Variants in CAMK1D observed in about 807,000 individuals in gnomAD.
CAMK1D encodes the protein calcium/calmodulin-dependent protein kinase type 1D.
A neutral mutation model predicts 47.7 loss-of-function variants in CAMK1D; 9 were observed. That is an observed-to-expected ratio of 0.19 (90% CI 0.11 to 0.33). CAMK1D has a LOEUF of 0.33. Ranked by LOEUF, CAMK1D falls within the 10% of genes least tolerant of loss-of-function variation. CAMK1D has a pLI of 1.00. For synonymous variants in CAMK1D, 184 were observed against 184.9 expected (o/e 0.99, Z 0.04); for missense variants, 291 against 488.7 (o/e 0.60, Z 3.81).
At chr10:12,787,564 A>G (rs1255490615) in intron 5 of CAMK1D, among the ~76,000 whole-genome samples, 1 of 152,172 alleles carries the variant, frequency 6.6e-6, no homozygotes, top group African/African-American at 2.4e-5. Flanking sequence ...TTCCTTGGCT[A>G]GGGCATCCGC....
intron 4 of CAMK1D, among the ~76,000 whole-genome samples, chr10:12,762,609 C>G (rs991478605): frequency 7.9e-5 from 12 of 152,162 alleles, no homozygotes; most frequent in Non-Finnish European, 1.6e-4. Context: ...ACTTGCATTT[C>G]TAACAGGTCT....
chr10:12,517,871 G>A lies in CAMK1D; in HGVS notation c.93-35354G>A, dbSNP rs951201794. Among the ~76,000 whole-genome samples, 20 of 152,106 alleles carry A rather than the reference G, an allele frequency of 1.3e-4. 1 individual carries two copies. Among genetic ancestry groups the A allele is most frequent in the African/African-American group, 3.6e-4 (15 of 41,424 alleles). The stretch of plus-strand genomic sequence containing the variant: ...TGTATAACTTTTAATGTCTTTGTCT[G>A]ATTTTGATATCAAAGGAATCCTTGA... On this transcript the variant is annotated intron_variant, in intron 1 of 10. Transcript: ENST00000619168.
intron 1 of CAMK1D, among the ~76,000 whole-genome samples, chr10:12,423,992 C>T (rs1184631673): frequency 2.0e-5 from 3 of 152,198 alleles, no homozygotes; most frequent in Non-Finnish European, 4.4e-5. Flanking sequence ...AGGTGATACC[C>T]TTCAAGGCCA....
At chr10:12,718,755 G>A (rs1359369169) in intron 3 of CAMK1D, among the ~76,000 whole-genome samples, 1 of 152,038 alleles carries the variant, frequency 6.6e-6, no homozygotes, top group East Asian at 1.9e-4. Flanking sequence ...GGCTCTTTTG[G>A]TTTTTTTCAT....
intron 1 of CAMK1D, among the ~76,000 whole-genome samples, chr10:12,388,657 G>A (rs550575448): frequency 2.0e-5 from 3 of 152,278 alleles, no homozygotes; most frequent in South Asian, 4.1e-4. Context: ...CCTGACATGC[G>A]TTTCAAATTA....
In CAMK1D at chr10:12,814,324, C is replaced by T. The variant is rs766076372; in HGVS notation, c.754+17C>T. 3 of 1,540,822 alleles carry T rather than the reference C, an allele frequency of 1.9e-6. No homozygotes were observed. The highest frequency in any genetic ancestry group is 2.7e-6 in the Non-Finnish European group (3 of 1,113,602). On this transcript the variant is annotated intron_variant, in intron 7 of 10. Coordinates refer to ENST00000619168, the MANE Select transcript of CAMK1D (RefSeq NM_153498.4). ...CCGACTCTGGTAGGTCTCCCATAGG[C>T]AGCTCCCAGTGGGCGGCCCCCGCGA...
chr10:12,686,374 T>C (rs937117942), intron 3 of CAMK1D, among the ~76,000 whole-genome samples: 2 of 152,122 alleles, frequency 1.3e-5, no homozygotes, highest in African/African-American at 4.8e-5. Flanking sequence ...CAGACTAGAG[T>C]GCAATGGTGC....
At chr10:12,524,858 A>G (rs1057095330) in intron 1 of CAMK1D, among the ~76,000 whole-genome samples, 1 of 152,172 alleles carries the variant, frequency 6.6e-6, no homozygotes, top group Admixed American at 6.5e-5. Flanking sequence ...TTCTTTTGCC[A>G]TCATTTTCCT....
chr10:12,651,311 A>G (rs918772761), intron 2 of CAMK1D, among the ~76,000 whole-genome samples: 15 of 152,230 alleles, frequency 9.9e-5, no homozygotes, highest in South Asian at 2.1e-4. Flanking sequence ...ATGCCTACAT[A>G]CAGACAGGTG....
At chr10:12,435,317 C>T (rs1015837569) in intron 1 of CAMK1D, among the ~76,000 whole-genome samples, 40 of 151,800 alleles carry the variant, frequency 2.6e-4, no homozygotes, top group African/African-American at 8.5e-4. Context: ...CTGATGGATC[C>T]GCCCTAGGTT....
At chr10:12,566,639 C>T (rs1021134684) in intron 2 of CAMK1D, among the ~76,000 whole-genome samples, 7 of 152,148 alleles carry the variant, frequency 4.6e-5, no homozygotes, top group African/African-American at 1.7e-4. Flanking sequence ...GGAGCTAAGC[C>T]GGGCAGACGC....
intron 1 of CAMK1D, among the ~76,000 whole-genome samples, chr10:12,498,895 G>C (rs1834619957): frequency 6.6e-6 from 1 of 152,144 alleles, no homozygotes. Context: ...ATATTGCCTT[G>C]CTTTGTCTAT....
chr10:12,774,160 G>C (rs980504433), intron 5 of CAMK1D, among the ~76,000 whole-genome samples: 1 of 151,958 alleles, frequency 6.6e-6, no homozygotes, highest in Non-Finnish European at 1.5e-5. Context: ...GAGAGACATA[G>C]GCTATAAAGC....
chr10:12,422,962 C>T (rs1366255243), intron 1 of CAMK1D, among the ~76,000 whole-genome samples: 2 of 152,150 alleles, frequency 1.3e-5, no homozygotes, highest in East Asian at 1.9e-4. Context: ...CGTGAGCCAC[C>T]GAGCCCGGCT....
intron 1 of CAMK1D, among the ~76,000 whole-genome samples, chr10:12,515,299 C>T (rs1265524048): frequency 1.3e-5 from 2 of 152,010 alleles, no homozygotes; most frequent in African/African-American, 2.4e-5. Flanking sequence ...CCCATAACTT[C>T]GCCAGATTCC....
chr10:12,641,193 G>A (rs1239913343), intron 2 of CAMK1D, among the ~76,000 whole-genome samples: 3 of 152,236 alleles, frequency 2.0e-5, no homozygotes, highest in East Asian at 1.9e-4. Flanking sequence ...TGTCTCGAAC[G>A]CCTGATGTCA....
intron 3 of CAMK1D, among the ~76,000 whole-genome samples, chr10:12,719,797 A>G (rs1247281808): frequency 1.3e-5 from 2 of 152,214 alleles, no homozygotes; most frequent in Non-Finnish European, 2.9e-5. Context: ...CCTATGGATA[A>G]CACTCTTTTA....
chr10:12,368,899 C>A (rs576347472), intron 1 of CAMK1D, among the ~76,000 whole-genome samples: 5 of 152,156 alleles, frequency 3.3e-5, no homozygotes, highest in African/African-American at 7.2e-5. Flanking sequence ...CTCACTGCAA[C>A]CTCTGTCTCC....
intron 1 of CAMK1D, among the ~76,000 whole-genome samples, chr10:12,464,812 C>CA (rs1374445029): frequency 1.0e-4 from 8 of 77,692 alleles, no homozygotes; most frequent in African/African-American, 4.6e-4. Flanking sequence ...GAGACTCCAT[C>CA]TTAAAAAAAA....
Sources: allele counts gnomAD v4.1 joint callset (sites outside exome capture counted in the v4.1 genomes callset), GRCh38; gene constraint gnomAD v4.1.1; transcripts MANE v1.5; gene names NCBI Gene and HGNC (gene_info 2026-07-23, HGNC 2026-07-21).